ADAM12: variants seen among roughly 807,000 people sequenced by gnomAD.
ADAM12 encodes the protein disintegrin and metalloproteinase domain-containing protein 12.
A neutral mutation model predicts 106.4 loss-of-function variants in ADAM12; 70 were observed. That is an observed-to-expected ratio of 0.66 (90% CI 0.54 to 0.80). ADAM12 has a LOEUF of 0.80. ADAM12 is among the 30% of genes least tolerant of loss of function. ADAM12 has a pLI of 0.00. For synonymous variants in ADAM12, 420 were observed against 433.5 expected (o/e 0.97, Z 0.39); for missense variants, 1,010 against 1,171.9 (o/e 0.86, Z 2.02).
At chr10:126,278,653 AC>A (rs1959396645) in intron 3 of ADAM12, among the ~76,000 whole-genome samples, 1 of 152,234 alleles carries the variant, frequency 6.6e-6, no homozygotes, top group South Asian at 2.1e-4. Context: ...AAATCTTTGA[AC>A]AACCAGGCAC....
chr10:126,014,407 G>C lies in ADAM12; in HGVS notation c.*2872C>G, dbSNP rs1008313969. The C allele has an allele frequency of 3.6e-5, 3 of 84,156 alleles. No homozygotes were observed. The highest frequency in any genetic ancestry group is 1.5e-4 in the African/African-American group (3 of 19,928). 5.2% of individuals were successfully genotyped at this position (84,156 alleles called of 1,614,324 possible). A position where few individuals can be genotyped will look rare whatever the true frequency, so the allele number is the denominator to read the frequency against. ...AGTTCAGCCTGAGAATTCTCATAAA[G>C]TTAAGAAGGCATAAAAATGCCCCCC... On this transcript the variant is annotated 3_prime_UTR_variant, in exon 23 of 23. Transcript: ENST00000448723.
At chr10:126,310,481 T>C (rs1961034265) in intron 2 of ADAM12, among the ~76,000 whole-genome samples, 1 of 152,138 alleles carries the variant, frequency 6.6e-6, no homozygotes, top group Non-Finnish European at 1.5e-5. Flanking sequence ...ATTATTGACC[T>C]TGCCAAAAGA....
At chr10:126,253,159 C>A (rs566012762) in intron 3 of ADAM12, among the ~76,000 whole-genome samples, 1 of 152,198 alleles carries the variant, frequency 6.6e-6, no homozygotes, top group Non-Finnish European at 1.5e-5. Flanking sequence ...CAAACCCACC[C>A]TTCCCTGAAC....
intron 1 of ADAM12, among the ~76,000 whole-genome samples, chr10:126,364,949 A>G (rs1452310627): frequency 6.6e-6 from 1 of 152,114 alleles, no homozygotes; most frequent in African/African-American, 2.4e-5. Context: ...GATGTATATA[A>G]GAGTTTGAAA....
intron 2 of ADAM12, among the ~76,000 whole-genome samples, chr10:126,314,172 T>C (rs1263606691): frequency 6.6e-6 from 1 of 152,064 alleles, no homozygotes; most frequent in Non-Finnish European, 1.5e-5. Flanking sequence ...AGGAGTAGCG[T>C]GGTCTGAGGA....
chr10:126,062,703 G>A (rs1349163511), intron 14 of ADAM12, among the ~76,000 whole-genome samples: 2 of 152,206 alleles, frequency 1.3e-5, no homozygotes, highest in East Asian at 3.9e-4. Context: ...TGGAAACGGG[G>A]CCAGCTGTTC....
rs373277806 is a variant in ADAM12, at chr10:126,121,146, A to AGT, written c.417-2923_417-2922insAC. Among the ~76,000 whole-genome samples, 112 of 49,518 alleles carry AGT rather than the reference A, an allele frequency of 2.3e-3. 7 individuals carry two copies. In the East Asian group the frequency reaches 0.058, roughly 26 times the overall value. The allele number at this position is 49,518 out of a possible 152,430, so 32.5% of individuals were successfully genotyped here. On this transcript the variant is annotated intron_variant, in intron 5 of 22. Transcript: ENST00000448723. ...AGTATATATACTATATACTATATAT[A>AGT]CTATATATACTATATATACTATATA...
At chr10:126,147,551 C>A (rs1459575015) in intron 4 of ADAM12, among the ~76,000 whole-genome samples, 1 of 152,204 alleles carries the variant, frequency 6.6e-6, no homozygotes, top group Non-Finnish European at 1.5e-5. Flanking sequence ...CTAAACACTT[C>A]CTTCCTCTCC....
At chr10:126,069,681 G>T (rs1456994401) in intron 12 of ADAM12, among the ~76,000 whole-genome samples, 1 of 152,208 alleles carries the variant, frequency 6.6e-6, no homozygotes, top group Non-Finnish European at 1.5e-5. Flanking sequence ...GATGCTGGTA[G>T]CGATGTGGAT....
chr10:126,113,832 C>T (rs558045677), intron 6 of ADAM12, among the ~76,000 whole-genome samples: 15 of 149,184 alleles, frequency 1.0e-4, no homozygotes, highest in East Asian at 5.9e-4. Flanking sequence ...TGCAGTCGTC[C>T]AGGTGAGAGG....
chr10:126,370,648 T>A (rs192115942), intron 1 of ADAM12, among the ~76,000 whole-genome samples: 31 of 152,272 alleles, frequency 2.0e-4, no homozygotes, highest in African/African-American at 7.5e-4. Context: ...TATCTCAGTG[T>A]CTTCCTAGGT....
At chr10:126,194,278 CAAAAAAAAAAAAA>C (rs35778124) in intron 3 of ADAM12, among the ~76,000 whole-genome samples, 2 of 58,074 alleles carry the variant, frequency 3.4e-5, no homozygotes, top group African/African-American at 5.5e-5. Flanking sequence ...TTCATATGCT[CAAAAAAAAAAAAA>C]AAAAAAAAAA....
At position 126,225,708 on chromosome 10, in the gene ADAM12, C is replaced by G. The variant is rs528177505; in HGVS notation, c.260+53207G>C. On this transcript the variant is annotated intron_variant, in intron 3 of 22. Coordinates refer to ENST00000448723, the MANE Select transcript of ADAM12 (RefSeq NM_001288973.2). ...TAACCAGCTGGAACTTCAGCACAAA[C>G]CATGTTCAGCTTTTATCACCAAAAT... 2.6e-5 allele frequency among the ~76,000 whole-genome samples: 4 copies of G among 152,292 alleles called. No individual in the cohort carries two copies. In the South Asian group the frequency reaches 8.3e-4, roughly 32 times the overall value.
At chr10:126,318,588 ACT>A (rs935361915) in intron 2 of ADAM12, among the ~76,000 whole-genome samples, 23 of 152,086 alleles carry the variant, frequency 1.5e-4, no homozygotes, top group South Asian at 1.0e-3. Flanking sequence ...ACACCCACAC[ACT>A]CTCTCACACA....
At chr10:126,131,045 A>G (rs1956294459) in intron 5 of ADAM12, among the ~76,000 whole-genome samples, 1 of 149,278 alleles carries the variant, frequency 6.7e-6, no homozygotes, top group Non-Finnish European at 1.5e-5. Context: ...GAATTTCTTC[A>G]TAATTGTTGC....
At chr10:126,061,288 A>C (rs1954750545) in intron 14 of ADAM12, among the ~76,000 whole-genome samples, 1 of 152,152 alleles carries the variant, frequency 6.6e-6, no homozygotes, top group South Asian at 2.1e-4. Flanking sequence ...AGAACCACAT[A>C]TATTACATGG....
At chr10:126,232,816 A>G (rs1958338989) in intron 3 of ADAM12, among the ~76,000 whole-genome samples, 1 of 152,218 alleles carries the variant, frequency 6.6e-6, no homozygotes, top group African/African-American at 2.4e-5. Context: ...AGAACTAGAC[A>G]AATAGTGGTA....
At chr10:126,103,462 A>C (rs962809801) in intron 8 of ADAM12, among the ~76,000 whole-genome samples, 5 of 152,228 alleles carry the variant, frequency 3.3e-5, no homozygotes, top group African/African-American at 1.2e-4. Flanking sequence ...GCTGTGGCTT[A>C]ATCCTGAAAA....
chr10:126,365,158 C>T (rs1855866697), intron 1 of ADAM12, among the ~76,000 whole-genome samples: 1 of 152,174 alleles, frequency 6.6e-6, no homozygotes, highest in African/African-American at 2.4e-5. Flanking sequence ...TAAGCCTACA[C>T]AGCCAAAGAC....
Sources: gnomAD v4.1 joint callset for allele counts (sites outside exome capture counted in the v4.1 genomes callset) on GRCh38, gnomAD v4.1.1 for gene constraint, MANE v1.5 for transcripts, NCBI Gene and HGNC (gene_info 2026-07-23, HGNC 2026-07-21) for gene names.